Variants in APP observed in about 807,000 individuals in gnomAD.
APP encodes the protein amyloid-beta precursor protein.
In APP, 31 loss-of-function variants were observed where a neutral mutation model predicts 101.4. The observed-to-expected ratio is 0.31, with a 90% confidence interval of 0.23 to 0.41. The LOEUF is 0.41. Ranked by LOEUF, APP falls within the 10% of genes least tolerant of loss-of-function variation. The probability of loss-of-function intolerance (pLI) is 1.00; values close to 1 mark genes in which losing one functional copy is unlikely to be tolerated. For missense variants in APP, 839 were observed against 1,003.7 expected (o/e 0.84, Z 2.22); for synonymous variants, 366 against 364.4 (o/e 1.00, Z -0.05).
At chr21:26,156,154 A>G (rs756236340) in intron 1 of APP, among the ~76,000 whole-genome samples, 7 of 152,246 alleles carry the variant, frequency 4.6e-5, no homozygotes, top group Non-Finnish European at 1.0e-4. Context: ...ATACAAAGTA[A>G]TAATTTATCT....
intron 1 of APP, among the ~76,000 whole-genome samples, chr21:26,118,706 C>T (rs1339213608): frequency 1.3e-5 from 2 of 152,136 alleles, no homozygotes; most frequent in East Asian, 3.9e-4. Flanking sequence ...GCGTGCACCA[C>T]TACGCCTGGC....
chr21:25,970,975 T>C (rs7283500), intron 11 of APP, among the ~76,000 whole-genome samples: 33,229 of 152,074 alleles, frequency 0.22, 3,952 homozygotes, highest in East Asian at 0.4. Flanking sequence ...CCAGCCAAGA[T>C]TGAGTGAGAA....
At chr21:25,883,061 AT>A (rs1211739647) in intron 17 of APP, among the ~76,000 whole-genome samples, 3 of 152,158 alleles carry the variant, frequency 2.0e-5, no homozygotes, top group African/African-American at 7.2e-5. Flanking sequence ...ATGGAGCTAG[AT>A]ATGTCATGAC....
At chr21:25,884,420 T>G (rs1470187993) in intron 17 of APP, among the ~76,000 whole-genome samples, 1 of 152,226 alleles carries the variant, frequency 6.6e-6, no homozygotes, top group Admixed American at 6.5e-5. Flanking sequence ...TGGGAGCAAA[T>G]CACAGATATT....
chr21:25,881,764 G>T lies in APP; in HGVS notation c.2219C>A (p.Ala740Asp). 1 of 1,613,498 alleles carries T rather than the reference G, an allele frequency of 6.2e-7. No individual in the cohort carries two copies. Among genetic ancestry groups the T allele is most frequent in the Non-Finnish European group, 8.5e-7 (1 of 1,180,006 alleles). Residue 740 changes from alanine (A) to aspartate (D), a missense_variant, in exon 18 of 18, where the codon GCC becomes GAC. By Grantham distance (126) the Ala-to-Asp change is moderately radical (BLOSUM62 -2). Transcript: ENST00000346798. Reference sequence around the variant, plus strand: ...GTGGCGCTCCTCTGGGGTGACAGCGGCGTCAACCTGAAAAACAAGAGGAGA... The same window carrying T: ...GTGGCGCTCCTCTGGGGTGACAGCGTCGTCAACCTGAAAAACAAGAGGAGA... ...SIHHGVVEVDAAVTPEERHLS... is the reference protein window; with the variant it reads ...SIHHGVVEVDDAVTPEERHLS...
intron 13 of APP, among the ~76,000 whole-genome samples, chr21:25,920,134 A>T (rs1400736161): frequency 2.1e-4 from 30 of 144,450 alleles, no homozygotes; most frequent in African/African-American, 7.8e-4. Context: ...ACTAAGCTTC[A>T]TAAGTGAAGG....
chr21:25,916,735 A>C (rs2039367792), intron 13 of APP, among the ~76,000 whole-genome samples: 1 of 152,184 alleles, frequency 6.6e-6, no homozygotes, highest in Non-Finnish European at 1.5e-5. Flanking sequence ...TTTCCTCCCA[A>C]GACTTATTTT....
At chr21:26,054,613 G>A (rs1249588065) in intron 3 of APP, among the ~76,000 whole-genome samples, 2 of 141,260 alleles carry the variant, frequency 1.4e-5, no homozygotes, top group Non-Finnish European at 3.0e-5. Flanking sequence ...AGCAACATAG[G>A]CCAAAAGTTT....
intron 2 of APP, among the ~76,000 whole-genome samples, chr21:26,098,335 C>G (rs1381671179): frequency 6.6e-6 from 1 of 152,004 alleles, no homozygotes; most frequent in Non-Finnish European, 1.5e-5. Flanking sequence ...CTCACTATCT[C>G]TCCAAGTTGG....
intron 13 of APP, among the ~76,000 whole-genome samples, chr21:25,950,116 T>C (rs1439669734): frequency 6.6e-6 from 1 of 152,190 alleles, no homozygotes; most frequent in Admixed American, 6.5e-5. Flanking sequence ...TCTCCACTCT[T>C]ACCCTAAACC....
At chr21:25,982,565 G>A (rs1202011982) in intron 8 of APP, 88 bp from the exon 9 acceptor site, 16 of 1,338,770 alleles carry the variant, frequency 1.2e-5, no homozygotes, top group Non-Finnish European at 1.1e-6. Flanking sequence ...CGTATTTTCA[G>A]TTATTTCTCA....
chr21:26,082,087 C>T (rs766605864), intron 3 of APP, among the ~76,000 whole-genome samples: 1 of 152,054 alleles, frequency 6.6e-6, no homozygotes, highest in Non-Finnish European at 1.5e-5. Flanking sequence ...GGCGTGGTGG[C>T]GGGTGCCAGT....
chr21:25,955,848 G>A (rs1410568608), intron 11 of APP, 93 bp from the exon 12 acceptor site: 14 of 1,581,062 alleles, frequency 8.9e-6, no homozygotes, highest in East Asian at 2.2e-5. Flanking sequence ...TAATGCATCC[G>A]GTCATGTGAA....
chr21:26,101,936 C>G (rs996656572), intron 2 of APP, among the ~76,000 whole-genome samples: 1 of 152,070 alleles, frequency 6.6e-6, no homozygotes, highest in African/African-American at 2.4e-5. Context: ...ACACCTGACA[C>G]AAAAACCTAA....
intron 8 of APP, among the ~76,000 whole-genome samples, chr21:25,995,729 CT>C (rs35225694): frequency 1.3e-5 from 2 of 152,118 alleles, no homozygotes; most frequent in Non-Finnish European, 2.9e-5. Flanking sequence ...GAGAAAAATG[CT>C]TTTTTCACAA....
At chr21:25,974,671 G>A (rs1350050950) in intron 11 of APP, among the ~76,000 whole-genome samples, 3 of 152,194 alleles carry the variant, frequency 2.0e-5, no homozygotes, top group African/African-American at 7.2e-5. Context: ...AACTTCTGTT[G>A]CTGATAAGGT....
chr21:26,119,287 G>A (rs1443321566), intron 1 of APP, among the ~76,000 whole-genome samples: 3 of 152,014 alleles, frequency 2.0e-5, no homozygotes, highest in African/African-American at 7.2e-5. Context: ...GCATGTCTTT[G>A]TTACTGGCTT....
intron 1 of APP, among the ~76,000 whole-genome samples, chr21:26,160,515 T>C (rs2063467818): frequency 6.6e-6 from 1 of 152,194 alleles, no homozygotes; most frequent in South Asian, 2.1e-4. Context: ...GTCAAGTTAA[T>C]GGTATATAGT....
In APP at chr21:25,911,947, T is replaced by A; in HGVS notation, c.1703A>T (p.Lys568Ile). The A allele has an allele frequency of 6.2e-7, 1 of 1,614,130 alleles. No homozygotes were observed. Among genetic ancestry groups the A allele is most frequent in the South Asian group, 1.1e-5 (1 of 91,074 alleles). Reference protein sequence around the residue: ...IQDEVDELLQKEQNYSDDVLA... With the variant: ...IQDEVDELLQIEQNYSDDVLA... Reference sequence around the variant, plus strand: ...GACGTCATCTGAATAGTTTTGCTCTTTCTGAAGCAGCTCATCTAAACCAAA... The same window carrying A: ...GACGTCATCTGAATAGTTTTGCTCTATCTGAAGCAGCTCATCTAAACCAAA... The change falls in exon 14 of 18, where the codon AAA (lysine) becomes ATA (isoleucine). Residue 568 changes from lysine (K) to isoleucine (I), a missense_variant. Lys to Ile is a moderately radical substitution (Grantham distance 102). Transcript: ENST00000346798.
Sources: allele counts gnomAD v4.1 joint callset (sites outside exome capture counted in the v4.1 genomes callset), GRCh38; gene constraint gnomAD v4.1.1; transcripts MANE v1.5; gene names NCBI Gene and HGNC (gene_info 2026-07-23, HGNC 2026-07-21).